Variants in ZNF420 observed in about 807,000 individuals in gnomAD.
ZNF420 encodes the protein ATM and p53-associated KZNF protein.
Under a neutral mutation model 44.7 loss-of-function variants are expected in ZNF420, and 31 were observed. The ratio of observed to expected loss-of-function variants is 0.69; its 90% CI spans 0.52 to 0.94. The LOEUF (loss-of-function observed/expected upper bound fraction) is 0.94. ZNF420 is among the 40% of genes least tolerant of loss of function. The pLI, the probability that ZNF420 is intolerant of heterozygous loss-of-function variation, is 0.00. For synonymous variants in ZNF420, 245 were observed against 267.4 expected (o/e 0.92, Z 0.82); for missense variants, 681 against 827.9 (o/e 0.82, Z 2.18).
chr19:37,015,537 G>A (rs1322386658), intron 1 of ZNF420, among the ~76,000 whole-genome samples: 1 of 152,114 alleles, frequency 6.6e-6, no homozygotes, highest in Non-Finnish European at 1.5e-5. Flanking sequence ...GATGTCAGAT[G>A]GGCACTCAAT....
At chr19:37,043,087 C>T (rs925368993) in intron 1 of ZNF420, among the ~76,000 whole-genome samples, 2 of 152,128 alleles carry the variant, frequency 1.3e-5, no homozygotes, top group Non-Finnish European at 2.9e-5. Context: ...ACAGTTACCT[C>T]AAAGACCACC....
intron 4 of ZNF420, among the ~76,000 whole-genome samples, chr19:37,117,937 GAAAC>G (rs754694094): frequency 2.5e-4 from 38 of 152,252 alleles, no homozygotes; most frequent in South Asian, 6.2e-4. Flanking sequence ...AGAATAAAAA[GAAAC>G]AAACAAAGTC....
At chr19:37,109,021 C>T (rs1355710282) in intron 4 of ZNF420, among the ~76,000 whole-genome samples, 1 of 152,184 alleles carries the variant, frequency 6.6e-6, no homozygotes, top group Non-Finnish European at 1.5e-5. Flanking sequence ...AAGAAAAGTC[C>T]TGTAAATAAT....
At chr19:37,039,697 CTTTCTT>C (rs911282254) in intron 1 of ZNF420, among the ~76,000 whole-genome samples, 5 of 118,264 alleles carry the variant, frequency 4.2e-5, no homozygotes, top group Admixed American at 3.4e-4. Context: ...TTGAATGTTT[CTTTCTT>C]TTTTTTTTTT....
At chr19:37,029,785 G>A (rs1457917289) in intron 1 of ZNF420, among the ~76,000 whole-genome samples, 2 of 152,018 alleles carry the variant, frequency 1.3e-5, no homozygotes, top group African/African-American at 4.8e-5. Context: ...TGGGATTACC[G>A]GCATGAGCCA....
At chr19:37,040,782 T>C (rs1207508969) in intron 1 of ZNF420, among the ~76,000 whole-genome samples, 1 of 152,096 alleles carries the variant, frequency 6.6e-6, no homozygotes, top group African/African-American at 2.4e-5. Context: ...GTTTTGTGGG[T>C]GTACTTAAGT....
At chr19:37,049,288 C>A (rs1344607924) in intron 1 of ZNF420, among the ~76,000 whole-genome samples, 1 of 152,192 alleles carries the variant, frequency 6.6e-6, no homozygotes, top group Non-Finnish European at 1.5e-5. Flanking sequence ...TGAGGAAGCA[C>A]CACACTGACT....
At chr19:37,010,705 G>C (rs978653255) in intron 1 of ZNF420, among the ~76,000 whole-genome samples, 3 of 151,960 alleles carry the variant, frequency 2.0e-5, no homozygotes, top group Admixed American at 6.6e-5. Flanking sequence ...GTTGTCAATC[G>C]GTTTCGCGGC....
At chr19:37,045,308 T>C (rs541862543) in intron 1 of ZNF420, among the ~76,000 whole-genome samples, 57 of 152,342 alleles carry the variant, frequency 3.7e-4, no homozygotes, top group Admixed American at 1.7e-3. Flanking sequence ...TACACTGATA[T>C]TGGGAAAAGA....
In ZNF420 at chr19:37,121,353, T is replaced by G. The variant is rs1296777442; in HGVS notation, c.137-5775T>G. On this transcript the variant is annotated intron_variant, in intron 4 of 4. Transcript: ENST00000337995. ...ACAACTATCTGATCTTTGACAAACC[T>G]GACAAAAACAAGCAATGGGGAAAGG... Among the ~76,000 whole-genome samples, 9 of 147,382 alleles carry G rather than the reference T, an allele frequency of 6.1e-5. No homozygotes were observed. The Admixed American group carries it at 6.1e-4, about 10-fold the overall frequency.
intron 2 of ZNF420, among the ~76,000 whole-genome samples, chr19:37,086,152 C>G (rs544023100): frequency 6.6e-6 from 1 of 151,970 alleles, no homozygotes; most frequent in South Asian, 2.1e-4. Context: ...GTCTTCTTGT[C>G]CCCTGGTCCC....
chr19:37,065,909 T>A (rs916749254), intron 1 of ZNF420, among the ~76,000 whole-genome samples: 14 of 152,088 alleles, frequency 9.2e-5, no homozygotes, highest in African/African-American at 3.4e-4. Flanking sequence ...AAGAAATAAA[T>A]GAACTTCAAC....
chr19:37,013,449 C>T (rs2074587045), intron 1 of ZNF420, among the ~76,000 whole-genome samples: 1 of 152,200 alleles, frequency 6.6e-6, no homozygotes, highest in Admixed American at 6.5e-5. Context: ...AAGCTTTTGC[C>T]TGACCTCTCA....
In ZNF420 at chr19:37,089,132, A is replaced by G. The variant is rs202043976; in HGVS notation, c.9+5A>G. The G allele has an allele frequency of 3.2e-5, 51 of 1,612,716 alleles. No individual in the cohort carries two copies. The highest frequency in any genetic ancestry group is 4.2e-5 in the Non-Finnish European group (49 of 1,178,874). Reference sequence around the variant, plus strand: ...GCTCTAAAAACCATGGCTCGGGTAAATTGGAGTTTCCTTGTGCTCTTTTCA... The same window carrying G: ...GCTCTAAAAACCATGGCTCGGGTAAGTTGGAGTTTCCTTGTGCTCTTTTCA... On this transcript the variant is annotated splice_donor_5th_base_variant and intron_variant, in intron 3 of 4. Transcript: ENST00000337995.
intron 1 of ZNF420, among the ~76,000 whole-genome samples, chr19:37,060,318 A>C (rs954893415): frequency 8.5e-5 from 13 of 152,094 alleles, no homozygotes; most frequent in African/African-American, 1.2e-4. Context: ...CTTAAAGAAG[A>C]AGCTGGGATG....
Position 37,127,291 on chromosome 19 carries a change from A to G in ZNF420, c.300A>G (p.Gln100=). The stretch of plus-strand genomic sequence containing the variant: ...CCAAAGGCAAGATGGAGAAGCAACA[A>G]GAAAATCAGAAGGAATATTTCAGGC... ...LEAKGKMEKQ[Q]ENQKEYFRQG... The change falls in exon 5 of 5, where the codon CAA becomes CAG. Residue 100 remains glutamine, a synonymous_variant. Coordinates refer to ENST00000337995, the MANE Select transcript of ZNF420 (RefSeq NM_144689.5). 1.2e-6 allele frequency: 2 copies of G among 1,613,606 alleles called. No individual in the cohort carries two copies. The highest frequency in any genetic ancestry group is 1.7e-6 in the Non-Finnish European group (2 of 1,179,762).
intron 4 of ZNF420, among the ~76,000 whole-genome samples, chr19:37,110,965 A>C (rs1970359310): frequency 6.6e-6 from 1 of 152,226 alleles, no homozygotes; most frequent in African/African-American, 2.4e-5. Flanking sequence ...GAATTGATAA[A>C]GGCTTGTCTA....
chr19:37,115,651 T>C (rs144927394), intron 4 of ZNF420, among the ~76,000 whole-genome samples: 2,226 of 151,956 alleles, frequency 0.015, 24 homozygotes, highest in African/African-American at 0.028. Flanking sequence ...AGACATTCTA[T>C]TGCCCAGGGA....
intron 1 of ZNF420, among the ~76,000 whole-genome samples, chr19:37,012,923 G>A (rs982849455): frequency 3.3e-5 from 5 of 152,082 alleles, no homozygotes; most frequent in East Asian, 3.9e-4. Flanking sequence ...CTTGTGCACC[G>A]GAGTGCTGTT....
Sources: gnomAD v4.1 joint callset for allele counts (sites outside exome capture counted in the v4.1 genomes callset) on GRCh38, gnomAD v4.1.1 for gene constraint, MANE v1.5 for transcripts, NCBI Gene and HGNC (gene_info 2026-07-23, HGNC 2026-07-21) for gene names.